Variants in PLA1A observed in about 807,000 individuals in gnomAD.
PLA1A encodes the protein phospholipase A1 member A, also known as phosphatidylserine-specific phospholipase A1alpha.
Under a neutral mutation model 49.4 loss-of-function variants are expected in PLA1A, and 47 were observed. The observed-to-expected ratio is 0.95, with a 90% confidence interval of 0.75 to 1.21. The LOEUF is 1.21. Ranked by LOEUF, PLA1A falls within the 50% of genes most tolerant of loss-of-function variation. The pLI is 0.00. For synonymous variants in PLA1A, 224 were observed against 207.9 expected, an observed-to-expected ratio of 1.08 and a Z score of -0.67; for missense variants, 561 against 563.9, an observed-to-expected ratio of 0.99 and a Z score of 0.05.
intron 5 of PLA1A, among the ~76,000 whole-genome samples, chr3:119,614,758 C>A (rs537415111): frequency 1.3e-5 from 2 of 151,584 alleles, no homozygotes; most frequent in Non-Finnish European, 2.9e-5. Context: ...AAAAAACATT[C>A]TATTTATTCA....
chr3:119,606,902 G>A lies in PLA1A; in HGVS notation c.202G>A (p.Glu68Lys), dbSNP rs747345992. ...GAATCCTAGCTGTGGGCAGCTAGTA[G>A]AAGGAAGCAGTGACCTCCAAAACTC... ...PSNPSCGQLV[E>K]GSSDLQNSGF... Residue 68 changes from glutamate (E) to lysine (K), a missense_variant, in exon 2 of 11, where the codon GAA becomes AAA. Physicochemically the swap from Glu to Lys is moderately conservative, Grantham distance 56. Transcript: ENST00000273371. 13 of 1,614,020 alleles carry A rather than the reference G, an allele frequency of 8.1e-6. No homozygotes were observed. The highest frequency in any genetic ancestry group is 1.3e-5 in the African/African-American group (1 of 74,924).
intron 6 of PLA1A, among the ~76,000 whole-genome samples, chr3:119,616,966 A>G (rs1262970359): frequency 1.3e-5 from 2 of 152,236 alleles, no homozygotes; most frequent in Non-Finnish European, 2.9e-5. Flanking sequence ...GAGCTTGGCC[A>G]TACAGAGTGT....
chr3:119,625,013 A>AG (rs2052496816), intron 8 of PLA1A, 111 bp from the exon 9 acceptor site: 2 of 658,534 alleles, frequency 3.0e-6, no homozygotes, highest in Non-Finnish European at 5.5e-6. Flanking sequence ...CTGGGCACAC[A>AG]GCCACTAAGA....
intron 9 of PLA1A, among the ~76,000 whole-genome samples, chr3:119,627,041 G>A (rs540162101): frequency 6.6e-5 from 10 of 152,204 alleles, no homozygotes; most frequent in Non-Finnish European, 1.3e-4. Context: ...AAATACTGAC[G>A]CCAAGCCCCC....
At chr3:119,607,095 C>T (rs2082699628) in intron 2 of PLA1A, 120 bp downstream of exon 2, 1 of 760,584 alleles carries the variant, frequency 1.3e-6, no homozygotes, top group Admixed American at 2.1e-5. Context: ...CATGTTCCAT[C>T]CCTCATATCC....
chr3:119,615,264 A>C (rs1039004509), intron 5 of PLA1A, among the ~76,000 whole-genome samples: 6 of 152,200 alleles, frequency 3.9e-5, no homozygotes, highest in African/African-American at 9.6e-5. Flanking sequence ...GGACAGAAAG[A>C]GGGCAGAGGA....
intron 1 of PLA1A, among the ~76,000 whole-genome samples, chr3:119,603,491 A>G (rs1216192341): frequency 6.6e-6 from 1 of 152,218 alleles, no homozygotes; most frequent in Non-Finnish European, 1.5e-5. Flanking sequence ...TTCAATTTCA[A>G]CTATTACCTT....
At chr3:119,619,762 G>A (rs780148162) in intron 8 of PLA1A, 110 bp downstream of exon 8, 7 of 788,320 alleles carry the variant, frequency 8.9e-6, no homozygotes, top group African/African-American at 8.4e-5. Context: ...AGGCATCACC[G>A]GAGGTGTGGC....
chr3:119,608,748 T>C (rs748054913), intron 2 of PLA1A, 22 bp from the exon 3 acceptor site: 2 of 1,581,252 alleles, frequency 1.3e-6, no homozygotes, highest in South Asian at 2.2e-5. Flanking sequence ...ATTTTTCCAT[T>C]CTTTTTTGGC....
At chr3:119,621,866 C>T (rs2082938123) in intron 8 of PLA1A, among the ~76,000 whole-genome samples, 1 of 152,134 alleles carries the variant, frequency 6.6e-6, no homozygotes, top group Non-Finnish European at 1.5e-5. Flanking sequence ...GATTTGATTC[C>T]ACTAATTCCC....
chr3:119,606,871 C>T lies in PLA1A; in HGVS notation c.171C>T (p.Val57=), dbSNP rs137866227. 60 of 1,613,990 alleles carry T rather than the reference C, an allele frequency of 3.7e-5. 1 individual carries two copies. The African/African-American group carries it at 7.5e-4, about 20-fold the overall frequency. The stretch of plus-strand genomic sequence containing the variant: ...TCAAAGTCCAGTTTCTCCTCTTTGT[C>T]CCTTCGAATCCTAGCTGTGGGCAGC... The part of the protein sequence containing the change: ...TDLKVQFLLF[V]PSNPSCGQLV... Residue 57 remains valine (V), a synonymous_variant, in exon 2 of 11, where the codon GTC becomes GTT. Coordinates refer to ENST00000273371, the MANE Select transcript of PLA1A (RefSeq NM_015900.4).
chr3:119,620,110 T>C (rs566080278), intron 8 of PLA1A: 1 of 457,110 alleles, frequency 2.2e-6, no homozygotes, highest in Non-Finnish European at 4.4e-6. Flanking sequence ...CTCCTAACCA[T>C]GGCATTTCCT....
At chr3:119,604,748 A>C (rs1251170455) in intron 1 of PLA1A, among the ~76,000 whole-genome samples, 1 of 152,240 alleles carries the variant, frequency 6.6e-6, no homozygotes, top group Non-Finnish European at 1.5e-5. Flanking sequence ...ATCTTGAACA[A>C]GCTTCAGCAA....
At chr3:119,603,581 G>A (rs2082645695) in intron 1 of PLA1A, among the ~76,000 whole-genome samples, 1 of 152,054 alleles carries the variant, frequency 6.6e-6, no homozygotes. Flanking sequence ...TCTAATCTAA[G>A]TCTTTCCCTT....
At chr3:119,624,988 A>G in intron 8 of PLA1A, 136 bp from the exon 9 acceptor site, 1 of 605,658 alleles carries the variant, frequency 1.7e-6, no homozygotes. Context: ...ACCTGAGATT[A>G]TAGGTGATCT....
At chr3:119,625,834 G>A (rs1333499055) in intron 9 of PLA1A, among the ~76,000 whole-genome samples, 1 of 152,182 alleles carries the variant, frequency 6.6e-6, no homozygotes, top group African/African-American at 2.4e-5. Flanking sequence ...TACGCTTGAA[G>A]TGAGAGGGCA....
intron 1 of PLA1A, among the ~76,000 whole-genome samples, chr3:119,601,001 C>T (rs1285583603): frequency 1.3e-5 from 2 of 152,226 alleles, no homozygotes; most frequent in Non-Finnish European, 2.9e-5. Context: ...CCCTCCTCCC[C>T]TCCTGCAGTG....
Position 119,616,043 on chromosome 3 carries a change from G to A in PLA1A, c.696G>A (p.Val232=). Residue 232 remains valine, a synonymous_variant, in exon 6 of 11, where the codon GTG becomes GTA. Transcript: ENST00000273371. ...NLGIRIPVGH[V]DYFVNGGQDQ... is the part of the protein sequence containing the mutation. ...GTATTCGGATTCCCGTTGGACATGT[G>A]GACTACTTCGTCAACGGAGGCCAAG... 6.2e-7 allele frequency: 1 copy of A among 1,613,104 alleles called. No individual in the cohort carries two copies. Among genetic ancestry groups the A allele is most frequent in the Non-Finnish European group, 8.5e-7 (1 of 1,179,100 alleles).
At position 119,629,753 on chromosome 3, in the gene PLA1A, A is replaced by G. The variant is rs2052600964; in HGVS notation, c.*285A>G. The G allele has an allele frequency of 5.1e-6, 2 of 392,432 alleles. No individual in the cohort carries two copies. Among genetic ancestry groups the G allele is most frequent in the Non-Finnish European group, 9.1e-6 (2 of 218,936 alleles). 24.3% of individuals were successfully genotyped at this position (392,432 alleles called of 1,614,324 possible). On this transcript the variant is annotated 3_prime_UTR_variant, in exon 11 of 11. Coordinates refer to ENST00000273371, the MANE Select transcript of PLA1A (RefSeq NM_015900.4). ...CTTGGGCATTCGTACTTAGGATTCA[A>G]TAGAAACATGTACAGGGTAAACAAT...
Sources: allele counts gnomAD v4.1 joint callset (sites outside exome capture counted in the v4.1 genomes callset), GRCh38; gene constraint gnomAD v4.1.1; transcripts MANE v1.5; gene names NCBI Gene and HGNC (gene_info 2026-07-23, HGNC 2026-07-21).